Variants in YPEL2 observed in about 807,000 individuals in gnomAD.
YPEL2 encodes protein yippee-like 2.
YPEL2 carries 2 observed loss-of-function variants against 19.1 expected under a neutral mutation model. The observed-to-expected ratio is 0.10, with a 90% CI of 0.04 to 0.33. The LOEUF (loss-of-function observed/expected upper bound fraction) is 0.33, where lower values mean the gene tolerates loss of function less well. Among genes scored for constraint, YPEL2 ranks in the 10% least tolerant of loss-of-function variants. The probability of loss-of-function intolerance (pLI) is 1.00; values close to 1 mark genes in which losing one functional copy is unlikely to be tolerated. For synonymous variants in YPEL2, 52 were observed against 50.0 expected, an observed-to-expected ratio of 1.04 and a Z score of -0.17; for missense variants, 66 against 140.7, an observed-to-expected ratio of 0.47 and a Z score of 2.68.
intron 2 of YPEL2, among the ~76,000 whole-genome samples, chr17:59,359,112 C>T (rs868790269): frequency 1.3e-5 from 2 of 151,146 alleles, no homozygotes; most frequent in African/African-American, 4.9e-5. Context: ...TTAGTAGAGA[C>T]GGGATTTTGC....
At chr17:59,363,299 C>T in intron 2 of YPEL2, 1 of 147,454 alleles carries the variant, frequency 6.8e-6, no homozygotes, top group Non-Finnish European at 1.5e-5. Flanking sequence ...AAGACTTACC[C>T]TTTTTTTTTT....
chr17:59,338,386 C>A (rs1209128384), intron 1 of YPEL2, among the ~76,000 whole-genome samples: 1 of 152,118 alleles, frequency 6.6e-6, no homozygotes, highest in Non-Finnish European at 1.5e-5. Context: ...GAAATACTGA[C>A]CTTTCTAGTG....
At chr17:59,394,470 G>T (rs1392787724) in intron 4 of YPEL2, among the ~76,000 whole-genome samples, 1 of 149,578 alleles carries the variant, frequency 6.7e-6, no homozygotes, top group Admixed American at 6.6e-5. Context: ...CCGGGAAGAG[G>T]CACTCCTCAC....
chr17:59,384,327 A>G (rs1452075007), intron 2 of YPEL2, among the ~76,000 whole-genome samples: 1 of 152,252 alleles, frequency 6.6e-6, no homozygotes, highest in East Asian at 1.9e-4. Context: ...AAATATTGAC[A>G]AAAACAAGTT....
intron 2 of YPEL2, among the ~76,000 whole-genome samples, chr17:59,366,966 A>G (rs2047873086): frequency 6.6e-6 from 1 of 152,210 alleles, no homozygotes; most frequent in Non-Finnish European, 1.5e-5. Flanking sequence ...TGCTCTGAGC[A>G]TCGTGGGGGC....
intron 2 of YPEL2, among the ~76,000 whole-genome samples, chr17:59,368,135 G>T (rs2047879663): frequency 1.3e-5 from 2 of 152,054 alleles, no homozygotes; most frequent in African/African-American, 4.8e-5. Context: ...CCAGGCTAGA[G>T]TACAGAGGCA....
At chr17:59,336,065 T>C (rs1165639876) in intron 1 of YPEL2, among the ~76,000 whole-genome samples, 1 of 152,240 alleles carries the variant, frequency 6.6e-6, no homozygotes, top group African/African-American at 2.4e-5. Context: ...TCTTGCTTGC[T>C]GCTGAAAATG....
rs144663073 is a variant in YPEL2 at position 59,350,270 on chromosome 17, G to A, written c.-195-2945G>A. ...TTTTTTGTAGAGTTGAGGTCTTGCC[G>A]TGTTGTCCAAGCTGGTCTCGAACTC... On this transcript the variant is annotated intron_variant, in intron 1 of 4. Coordinates refer to ENST00000312655, the MANE Select transcript of YPEL2 (RefSeq NM_001005404.4). Among the ~76,000 whole-genome samples the A allele has an allele frequency of 6.5e-3, 984 of 152,090 alleles. 3 individuals carry two copies. Among genetic ancestry groups the A allele is most frequent in the Middle Eastern group, 0.02 (6 of 294 alleles).
intron 4 of YPEL2, among the ~76,000 whole-genome samples, chr17:59,390,242 TC>T (rs1196075547): frequency 1.3e-5 from 2 of 152,256 alleles, no homozygotes; most frequent in Non-Finnish European, 1.5e-5. Context: ...CCTCAGGTGA[TC>T]CACCCCCGTC....
At chr17:59,387,171 ACTCG>A (rs1411133473) in intron 2 of YPEL2, among the ~76,000 whole-genome samples, 1 of 144,700 alleles carries the variant, frequency 6.9e-6, no homozygotes, top group African/African-American at 2.6e-5. Flanking sequence ...GAGGCAGGAC[ACTCG>A]CTTGAACTCA....
At chr17:59,350,285 G>A (rs567991016) in intron 1 of YPEL2, among the ~76,000 whole-genome samples, 9 of 152,232 alleles carry the variant, frequency 5.9e-5, no homozygotes, top group African/African-American at 2.2e-4. Context: ...GTCCAAGCTG[G>A]TCTCGAACTC....
At chr17:59,380,307 C>T (rs1365668397) in intron 2 of YPEL2, among the ~76,000 whole-genome samples, 45 of 124,122 alleles carry the variant, frequency 3.6e-4, no homozygotes, top group African/African-American at 1.3e-3. Context: ...GATGGAGTCT[C>T]GCTGTGTCTC....
chr17:59,386,727 A>G (rs1410939566), intron 2 of YPEL2, among the ~76,000 whole-genome samples: 1 of 152,178 alleles, frequency 6.6e-6, no homozygotes, highest in Non-Finnish European at 1.5e-5. Flanking sequence ...ATGGACTTCC[A>G]GGTTCCAGGT....
chr17:59,373,716 A>AT (rs905623636), intron 2 of YPEL2, among the ~76,000 whole-genome samples: 15 of 151,868 alleles, frequency 9.9e-5, no homozygotes, highest in South Asian at 2.1e-4. Flanking sequence ...TTTCCCTGTA[A>AT]TTTTTTTTAC....
intron 2 of YPEL2, among the ~76,000 whole-genome samples, chr17:59,371,717 C>T (rs2047898485): frequency 6.6e-6 from 1 of 152,246 alleles, no homozygotes; most frequent in South Asian, 2.1e-4. Flanking sequence ...GCACCAGCCA[C>T]AGCACAGACT....
chr17:59,388,369 G>C lies in YPEL2; in HGVS notation c.160G>C (p.Val54Leu). 1 of 1,614,148 alleles carries C rather than the reference G, an allele frequency of 6.2e-7. No homozygotes were observed. The highest frequency in any genetic ancestry group is 8.5e-7 in the Non-Finnish European group (1 of 1,179,972). The change falls in exon 3 of 5, where the codon GTA (valine) becomes CTA (leucine). Residue 54 changes from valine to leucine, a missense_variant and splice_region_variant. Transcript: ENST00000312655. ...SQGRAYLFNSVVNVGCGPAEE... is the reference protein window; with the variant it reads ...SQGRAYLFNSLVNVGCGPAEE... ...AGGACGAGCATACCTCTTTAACTCA[G>C]TGTGAGTGCCTCTGAATGGTACATT...
chr17:59,396,505 G>C (rs991383999), intron 4 of YPEL2, among the ~76,000 whole-genome samples: 16 of 152,246 alleles, frequency 1.1e-4, no homozygotes, highest in Non-Finnish European at 8.8e-5. Context: ...GGGTAGCTGG[G>C]GAAGACCTTA....
chr17:59,387,257 TAAAAAAAAAA>T (rs373789547), intron 2 of YPEL2, among the ~76,000 whole-genome samples: 1 of 77,588 alleles, frequency 1.3e-5, no homozygotes, highest in East Asian at 4.2e-4. Flanking sequence ...AGACTCCATC[TAAAAAAAAAA>T]AAAAAAAAAA....
At chr17:59,362,347 G>A (rs2047845452) in intron 2 of YPEL2, among the ~76,000 whole-genome samples, 1 of 151,732 alleles carries the variant, frequency 6.6e-6, no homozygotes, top group Non-Finnish European at 1.5e-5. Flanking sequence ...TGCTTTAAAT[G>A]GGAGGCAGAC....
Sources: allele counts gnomAD v4.1 joint callset (sites outside exome capture counted in the v4.1 genomes callset), GRCh38; gene constraint gnomAD v4.1.1; transcripts MANE v1.5; gene names NCBI Gene and HGNC (gene_info 2026-07-23, HGNC 2026-07-21).